CCDC178: variants seen among roughly 807,000 people sequenced by gnomAD.
CCDC178 encodes coiled-coil domain-containing protein 178.
In CCDC178, 126 loss-of-function variants were observed where a neutral mutation model predicts 117.4. The ratio of observed to expected loss-of-function variants is 1.07; its 90% confidence interval spans 0.93 to 1.24. CCDC178 has a LOEUF of 1.24. CCDC178 is among the 50% of genes most tolerant of loss of function. The probability of loss-of-function intolerance (pLI) is 0.00; values close to 1 mark genes in which losing one functional copy is unlikely to be tolerated. For missense variants in CCDC178, 1,030 were observed against 986.9 expected, an observed-to-expected ratio of 1.04 and a Z score of -0.59; for synonymous variants, 283 against 313.4, an observed-to-expected ratio of 0.90 and a Z score of 1.02.
intron 5 of CCDC178, among the ~76,000 whole-genome samples, chr18:33,386,916 A>T (rs2063500898): frequency 6.6e-6 from 1 of 152,160 alleles, no homozygotes; most frequent in Admixed American, 6.6e-5. Context: ...GGAAGAGAGG[A>T]ATTCAAATTG....
At chr18:33,050,954 T>C (rs201207352) in intron 21 of CCDC178, among the ~76,000 whole-genome samples, 14 of 152,146 alleles carry the variant, frequency 9.2e-5, no homozygotes, top group Admixed American at 9.2e-4. Context: ...GGTCTGTCAC[T>C]GAGGCTAGAG....
At chr18:33,018,171 CA>C (rs1471757924) in intron 21 of CCDC178, among the ~76,000 whole-genome samples, 1 of 151,910 alleles carries the variant, frequency 6.6e-6, no homozygotes, top group East Asian at 1.9e-4. Flanking sequence ...GACTAATAAG[CA>C]CAGGTAATGA....
At chr18:33,309,682 G>A (rs909551549) in intron 11 of CCDC178, among the ~76,000 whole-genome samples, 3 of 151,944 alleles carry the variant, frequency 2.0e-5, no homozygotes, top group African/African-American at 4.8e-5. Flanking sequence ...TTGAGAATAA[G>A]AATTCTAATG....
Position 32,978,915 on chromosome 18 carries a change from T to C in CCDC178, c.2389-4234A>G, listed in dbSNP as rs148524978. Among the ~76,000 whole-genome samples, 1,497 of 151,728 alleles carry C rather than the reference T, an allele frequency of 9.9e-3. 27 individuals are homozygous for C. The highest frequency in any genetic ancestry group is 0.035 in the African/African-American group (1,429 of 41,364). On this transcript the variant is annotated intron_variant, in intron 21 of 22. Transcript: ENST00000383096. Reference sequence around the variant, plus strand: ...AGCCAGGCGCGGTGGCGGTTGCCTATAGGCCCAGCTACTCAGGAGACTGAG... The same window carrying C: ...AGCCAGGCGCGGTGGCGGTTGCCTACAGGCCCAGCTACTCAGGAGACTGAG...
chr18:33,088,659 A>T lies in CCDC178; in HGVS notation c.2388+4102T>A, dbSNP rs1290873869. On this transcript the variant is annotated intron_variant, in intron 21 of 22. Transcript: ENST00000383096. Reference sequence around the variant, plus strand: ...ATGAATGAATTACAAGTGTTCTATGAGGATCAGAAGTATTCCCTAGAGGCC... The same window carrying T: ...ATGAATGAATTACAAGTGTTCTATGTGGATCAGAAGTATTCCCTAGAGGCC... Among the ~76,000 whole-genome samples, 3 of 152,154 alleles carry T rather than the reference A, an allele frequency of 2.0e-5. No homozygotes were observed. The South Asian group carries it at 6.2e-4, about 31-fold the overall frequency.
At chr18:32,941,358 C>T (rs2054235630) in intron 22 of CCDC178, among the ~76,000 whole-genome samples, 1 of 151,976 alleles carries the variant, frequency 6.6e-6, no homozygotes, top group Admixed American at 6.6e-5. Flanking sequence ...AAATCTTTGG[C>T]ACTTGTCTAT....
chr18:33,167,651 G>A (rs1390743120), intron 20 of CCDC178, among the ~76,000 whole-genome samples: 1 of 151,884 alleles, frequency 6.6e-6, no homozygotes, highest in Non-Finnish European at 1.5e-5. Context: ...ATCACTTGAG[G>A]TCAGGAGTTC....
intron 20 of CCDC178, among the ~76,000 whole-genome samples, chr18:33,200,071 T>G (rs538251787): frequency 6.6e-6 from 1 of 152,330 alleles, no homozygotes; most frequent in South Asian, 2.1e-4. Flanking sequence ...CTCTTTCATC[T>G]CACTAGAACT....
intron 11 of CCDC178, among the ~76,000 whole-genome samples, chr18:33,313,467 A>C (rs2062370561): frequency 6.6e-6 from 1 of 152,184 alleles, no homozygotes. Context: ...AAAGCCTCCA[A>C]ATGTAGTTAT....
chr18:33,212,337 G>GA (rs2144591538), intron 19 of CCDC178, among the ~76,000 whole-genome samples: 1 of 152,098 alleles, frequency 6.6e-6, no homozygotes, highest in Admixed American at 6.6e-5. Flanking sequence ...TCCTCCAAGA[G>GA]ATATATTCTG....
intron 15 of CCDC178, among the ~76,000 whole-genome samples, chr18:33,237,546 C>T (rs2059440025): frequency 6.6e-6 from 1 of 151,882 alleles, no homozygotes. Context: ...AGCCTCTTGT[C>T]CCTCCCCTCC....
intron 22 of CCDC178, among the ~76,000 whole-genome samples, chr18:32,962,826 A>C (rs1388309273): frequency 6.6e-6 from 1 of 152,040 alleles, no homozygotes; most frequent in Non-Finnish European, 1.5e-5. Flanking sequence ...CAGTGCACTC[A>C]CCATCGGCAG....
intron 22 of CCDC178, among the ~76,000 whole-genome samples, chr18:32,941,634 C>T (rs1041768857): frequency 2.0e-5 from 3 of 152,156 alleles, no homozygotes; most frequent in Admixed American, 2.0e-4. Context: ...AGCTAAAAGA[C>T]CTGCTATTTC....
At position 33,389,575 on chromosome 18, in the gene CCDC178, T is replaced by C. The variant is rs2063539673; in HGVS notation, c.173A>G (p.Glu58Gly). The C allele has an allele frequency of 1.3e-6, 2 of 1,527,540 alleles. No homozygotes were observed. The highest frequency in any genetic ancestry group is 8.8e-7 in the Non-Finnish European group (1 of 1,139,084). 94.6% of individuals were successfully genotyped at this position (1,527,540 alleles called of 1,614,324 possible). A position where few individuals can be genotyped will look rare whatever the true frequency, so the allele number is the denominator to read the frequency against. The change falls in exon 5 of 23, where the codon GAA becomes GGA. Residue 58 changes from glutamate (E) to glycine (G), a missense_variant. Physicochemically the swap from Glu to Gly is moderately conservative, Grantham distance 98. Coordinates refer to ENST00000383096, the MANE Select transcript of CCDC178 (RefSeq NM_001105528.4). ...TGTCATTTTACTTTCATGAAAACCT[T>C]CACTGTTCTCCTTAGAGGCTCCATA... Reference protein sequence around the residue: ...VLYGASKENSEGFHESKMTNT... With the variant: ...VLYGASKENSGGFHESKMTNT...
intron 20 of CCDC178, among the ~76,000 whole-genome samples, chr18:33,149,976 C>T (rs1035551639): frequency 6.6e-5 from 10 of 152,156 alleles, no homozygotes; most frequent in African/African-American, 9.7e-5. Flanking sequence ...TATCACATTA[C>T]CTGACTTCAA....
intron 2 of CCDC178, among the ~76,000 whole-genome samples, chr18:33,429,580 A>G (rs1006478419): frequency 6.6e-6 from 1 of 152,224 alleles, no homozygotes; most frequent in Non-Finnish European, 1.5e-5. Context: ...TAAATCCTAT[A>G]AGGGATAGAA....
At chr18:33,187,611 G>T (rs1863606397) in intron 20 of CCDC178, among the ~76,000 whole-genome samples, 1 of 152,022 alleles carries the variant, frequency 6.6e-6, no homozygotes, top group African/African-American at 2.4e-5. Flanking sequence ...TTAAAAATTT[G>T]TATAAACAAA....
chr18:33,213,956 T>C (rs1287871398), intron 19 of CCDC178, among the ~76,000 whole-genome samples: 1 of 152,092 alleles, frequency 6.6e-6, no homozygotes, highest in Non-Finnish European at 1.5e-5. Flanking sequence ...ATGCCCACTA[T>C]GAGTTCTCAA....
chr18:33,412,473 CATCT>C (rs10596666), intron 2 of CCDC178, among the ~76,000 whole-genome samples: 121,493 of 151,366 alleles, frequency 0.8, 48,997 homozygotes, highest in East Asian at 1. Flanking sequence ...ACTTTACTAC[CATCT>C]ATCTCTTCTT....
Sources: allele counts gnomAD v4.1 joint callset (sites outside exome capture counted in the v4.1 genomes callset), GRCh38; gene constraint gnomAD v4.1.1; transcripts MANE v1.5; gene names NCBI Gene and HGNC (gene_info 2026-07-23, HGNC 2026-07-21).